LRP1: variants seen among roughly 807,000 people sequenced by gnomAD.
LRP1 encodes the protein prolow-density lipoprotein receptor-related protein 1.
LRP1 carries 51 observed loss-of-function variants against 541.5 expected under a neutral mutation model. The observed-to-expected ratio is 0.09, with a 90% confidence interval of 0.08 to 0.12. LRP1 has a LOEUF of 0.12. Among genes scored for constraint, LRP1 ranks in the 10% least tolerant of loss-of-function variants. The pLI is 1.00. For missense variants in LRP1, 3,878 were observed against 6,376.2 expected (o/e 0.61, Z 13.34); for synonymous variants, 2,219 against 2,470.8 (o/e 0.90, Z 3.02).
In LRP1 at chr12:57,181,176, C is replaced by T. The variant is rs1218354289; in HGVS notation, c.5547C>T (p.Pro1849=). The change falls in exon 34 of 89, where the codon CCC becomes CCT. Residue 1849 remains proline, a synonymous_variant. Transcript: ENST00000243077. ...CCCCAGACCATAAGGGCACCAACCC[C>T]TGCAGTGTCAACAACGGTGACTGCT... The part of the protein sequence containing the change: ...SIQLDHKGTN[P]CSVNNGDCSQ... 5 of 1,613,658 alleles carry T rather than the reference C, an allele frequency of 3.1e-6. No individual in the cohort carries two copies. The highest frequency in any genetic ancestry group is 4.2e-6 in the Non-Finnish European group (5 of 1,179,966).
chr12:57,128,895 C>G lies in LRP1; in HGVS notation c.-70C>G. 1 of 1,358,266 alleles carries G rather than the reference C, an allele frequency of 7.4e-7. No homozygotes were observed. Among genetic ancestry groups the G allele is most frequent in the Middle Eastern group, 1.9e-4 (1 of 5,218 alleles). The allele number at this position is 1,358,266 out of a possible 1,614,324, so 84.1% of individuals were successfully genotyped here. ...AAGGAGGAAAAGGGGGACCCCCCAA[C>G]TGGGGGGGGTGAAGGAGAGAAGTAG... On this transcript the variant is annotated 5_prime_UTR_variant, in exon 1 of 89. Coordinates refer to ENST00000243077, the MANE Select transcript of LRP1 (RefSeq NM_002332.3).
In LRP1 at chr12:57,211,504, T is replaced by C. The variant is rs765107247; in HGVS notation, c.13109T>C (p.Val4370Ala). 1.5e-5 allele frequency: 24 copies of C among 1,613,698 alleles called. No individual in the cohort carries two copies. The highest frequency in any genetic ancestry group is 1.9e-5 in the Non-Finnish European group (23 of 1,180,016). ...DVTCNCTDGR[V>A]APSCLTCVGH... ...TCCTGCAGCTGCACGGATGGCCGGG[T>C]GGCCCCCAGCTGTCTGACCTGCGTC... is the stretch of plus-strand genomic sequence containing the variant. The change falls in exon 85 of 89, where the codon GTG becomes GCG. Residue 4370 changes from valine to alanine, a missense_variant. By Grantham distance (64) the Val-to-Ala change is moderately conservative. This residue lies in a region of LRP1 where 871 missense variants were observed against 1,212.4 expected (regional missense o/e 0.72). Transcript: ENST00000243077. The surrounding 1 kb of genome is among the most constrained non-coding windows in gnomAD (Gnocchi z 4.3).
Position 57,210,693 on chromosome 12 carries a change from G to A in LRP1, c.12755-25G>A, listed in dbSNP as rs377503792. The A allele has an allele frequency of 9.5e-5, 152 of 1,595,884 alleles. 1 individual carries two copies. Among genetic ancestry groups the A allele is most frequent in the African/African-American group, 3.3e-4 (25 of 74,640 alleles). ...CCAGGTGGTCTCGAGGGCCACAGTC[G>A]CGCTCACACATCCTCTCCCACCAGG... On this transcript the variant is annotated intron_variant, in intron 82 of 88. Coordinates refer to ENST00000243077, the MANE Select transcript of LRP1 (RefSeq NM_002332.3).
In LRP1 at chr12:57,182,516, TAAA is replaced by T. The variant is rs530599434; in HGVS notation, c.5663-847_5663-845del. ...CGACAGATCAGGACTCCATCTCAAT[TAAA>T]AAAAAAAAAAAAAAAGAGCCAGGTG... is the stretch of plus-strand genomic sequence containing the variant. On this transcript the variant is annotated intron_variant, in intron 34 of 88. Coordinates refer to ENST00000243077, the MANE Select transcript of LRP1 (RefSeq NM_002332.3). Among the ~76,000 whole-genome samples the T allele has an allele frequency of 1.1e-4, 12 of 113,830 alleles. No homozygotes were observed. The East Asian group carries it at 1.2e-3, about 11-fold the overall frequency. The allele number at this position is 113,830 out of a possible 152,430, so 74.7% of individuals were successfully genotyped here. A position where few individuals can be genotyped will look rare whatever the true frequency, so the allele number is the denominator to read the frequency against.
In LRP1 at chr12:57,189,292, T is replaced by G. The variant is rs915637717; in HGVS notation, c.7032-1513T>G. Among the ~76,000 whole-genome samples, 2 of 151,936 alleles carry G rather than the reference T, an allele frequency of 1.3e-5. No individual in the cohort carries two copies. Among genetic ancestry groups the G allele is most frequent in the Admixed American group, 6.6e-5 (1 of 15,256 alleles). ...AGTAGTTTCACCTGAGGTGTAGGAG[T>G]TCCTGGTGGGGACTGACAGGCCAAG... is the stretch of plus-strand genomic sequence containing the variant. On this transcript the variant is annotated intron_variant, in intron 42 of 88. Transcript: ENST00000243077. This position sits in a 1 kb window ranked among gnomAD's most constrained non-coding sequence, Gnocchi z 4.4.
intron 3 of LRP1, among the ~76,000 whole-genome samples, chr12:57,142,149 C>G (rs975856513): frequency 6.6e-6 from 1 of 152,022 alleles, no homozygotes; most frequent in Non-Finnish European, 1.5e-5. Context: ...AGTCTTTCCC[C>G]CAAAGGGCCC....
rs1193832628 is a variant in LRP1, at chr12:57,185,507, C to T, written c.6464-24C>T. The T allele has an allele frequency of 6.4e-7, 1 of 1,564,512 alleles. No individual in the cohort carries two copies. The highest frequency in any genetic ancestry group is 8.7e-7 in the Non-Finnish European group (1 of 1,154,414). Reference sequence around the variant, plus strand: ...GAGCCTTTCCCAAGGCAGGCCCTGCCCTCTGTACCCTCCCCTCCCCCAGGC... The same window carrying T: ...GAGCCTTTCCCAAGGCAGGCCCTGCTCTCTGTACCCTCCCCTCCCCCAGGC... On this transcript the variant is annotated intron_variant, in intron 40 of 88. Coordinates refer to ENST00000243077, the MANE Select transcript of LRP1 (RefSeq NM_002332.3). This position sits in a 1 kb window ranked among gnomAD's most constrained non-coding sequence, Gnocchi z 4.9.
Position 57,209,217 on chromosome 12 carries a change from G to T in LRP1, c.12262+18G>T. Reference sequence around the variant, plus strand: ...CAAACGAGGTCAGAGCCCGGCATAAGTCGCAGTCCCCAGCCCTGTCCCCAG... The same window carrying T: ...CAAACGAGGTCAGAGCCCGGCATAATTCGCAGTCCCCAGCCCTGTCCCCAG... On this transcript the variant is annotated intron_variant, in intron 79 of 88. Coordinates refer to ENST00000243077, the MANE Select transcript of LRP1 (RefSeq NM_002332.3). 1 of 1,598,990 alleles carries T rather than the reference G, an allele frequency of 6.3e-7. No homozygotes were observed. The highest frequency in any genetic ancestry group is 8.6e-7 in the Non-Finnish European group (1 of 1,166,814).
chr12:57,140,729 C>CT (rs1237339569), intron 2 of LRP1, among the ~76,000 whole-genome samples: 64 of 151,320 alleles, frequency 4.2e-4, no homozygotes, highest in South Asian at 1.7e-3. Flanking sequence ...TCATCAAAAC[C>CT]TTTTTTTTTG....
chr12:57,188,932 C>T (rs991160560), intron 42 of LRP1, among the ~76,000 whole-genome samples: 1 of 152,074 alleles, frequency 6.6e-6, no homozygotes, highest in Non-Finnish European at 1.5e-5. Context: ...CAGGAGGGGC[C>T]CTCCCCCTGG....
chr12:57,187,021 C>T (rs2036282953), intron 41 of LRP1, among the ~76,000 whole-genome samples: 1 of 152,198 alleles, frequency 6.6e-6, no homozygotes, highest in South Asian at 2.1e-4. Flanking sequence ...CCAGAAAGCC[C>T]GATTGCCCTC....
At chr12:57,193,796 AC>A in intron 47 of LRP1, 102 bp from the exon 48 acceptor site, 2 of 1,601,094 alleles carry the variant, frequency 1.2e-6, no homozygotes, top group Non-Finnish European at 1.7e-6. Context: ...GCACTCTGTG[AC>A]AGGCCAGGGC....
rs185435405 is a variant in LRP1 at position 57,184,614 on chromosome 12, T to C, written c.6186+162T>C. 9.9e-5 allele frequency among the ~76,000 whole-genome samples: 15 copies of C among 151,586 alleles called. No individual in the cohort carries two copies. Among genetic ancestry groups the C allele is most frequent in the Non-Finnish European group, 1.8e-4 (12 of 67,838 alleles). ...AGTAGGACTCCTGCTACCACAGAGA[T>C]GATGGGCAGGGGTCGCTCAGAAGTG... On this transcript the variant is annotated intron_variant, in intron 38 of 88. Coordinates refer to ENST00000243077, the MANE Select transcript of LRP1 (RefSeq NM_002332.3). The surrounding 1 kb of genome is among the most constrained non-coding windows in gnomAD (Gnocchi z 7.8).
intron 20 of LRP1, among the ~76,000 whole-genome samples, chr12:57,171,125 T>G (rs1044762933): frequency 1.3e-5 from 2 of 152,092 alleles, no homozygotes; most frequent in African/African-American, 2.4e-5. Flanking sequence ...CTGTGTGGTG[T>G]GGTGAGAAGA....
chr12:57,149,887 C>A, intron 6 of LRP1: 1 of 641,896 alleles, frequency 1.6e-6, no homozygotes, highest in East Asian at 2.7e-5. Context: ...TCTCCCAGGC[C>A]CAGGCGAGAT....
chr12:57,179,668 C>A lies in LRP1; in HGVS notation c.4966+112C>A. 1 of 1,395,858 alleles carries A rather than the reference C, an allele frequency of 7.2e-7. No individual in the cohort carries two copies. Among genetic ancestry groups the A allele is most frequent in the Non-Finnish European group, 1.0e-6 (1 of 998,124 alleles). The allele number at this position is 1,395,858 out of a possible 1,614,324, so 86.5% of individuals were successfully genotyped here. A position where few individuals can be genotyped will look rare whatever the true frequency, so the allele number is the denominator to read the frequency against. On this transcript the variant is annotated intron_variant, in intron 29 of 88. Transcript: ENST00000243077. The surrounding 1 kb of genome is among the most constrained non-coding windows in gnomAD (Gnocchi z 6.8). ...GGTCCTTCTCCCAGTCCTGTTCCCC[C>A]TCAGTGCTCCAGCCTGGTTTCCTGA...
intron 55 of LRP1, 113 bp from the exon 56 acceptor site, chr12:57,196,866 ATGC>A: frequency 1.1e-6 from 1 of 876,454 alleles, no homozygotes; most frequent in Non-Finnish European, 1.8e-6. Context: ...CAGTACCCAT[ATGC>A]TGCTGCCCCT....
In LRP1 at chr12:57,184,314, C is replaced by CCCA; in HGVS notation, c.6060-9_6060-7dup. On this transcript the variant is annotated splice_polypyrimidine_tract_variant and intron_variant, in intron 37 of 88. Transcript: ENST00000243077. The surrounding 1 kb of genome is among the most constrained non-coding windows in gnomAD (Gnocchi z 7.8). Reference sequence around the variant, plus strand: ...CTGAGGACTGACCCCCACTTCCACCCCCACCCTACAGGTACTTGTTCTGGA... The same window carrying CCCA: ...CTGAGGACTGACCCCCACTTCCACCCCCACCACCCTACAGGTACTTGTTCTGGA... The CCCA allele has an allele frequency of 6.2e-7, 1 of 1,614,200 alleles. No homozygotes were observed. Among genetic ancestry groups the CCCA allele is most frequent in the Non-Finnish European group, 8.5e-7 (1 of 1,180,034 alleles).
In LRP1 at chr12:57,178,822, G is replaced by T. The variant is rs1434752098; in HGVS notation, c.4607-68G>T. On this transcript the variant is annotated intron_variant, in intron 27 of 88. Transcript: ENST00000243077. The surrounding 1 kb of genome is among the most constrained non-coding windows in gnomAD (Gnocchi z 5.8). Reference sequence around the variant, plus strand: ...GGGGAGGAGAGTGGGCGAGGAAGGGGTGGTCCATGTAGGGAGCAGCAAGTC... The same window carrying T: ...GGGGAGGAGAGTGGGCGAGGAAGGGTTGGTCCATGTAGGGAGCAGCAAGTC... The T allele has an allele frequency of 6.4e-7, 1 of 1,558,372 alleles. No homozygotes were observed. Among genetic ancestry groups the T allele is most frequent in the East Asian group, 2.2e-5 (1 of 44,600 alleles).
Sources: gnomAD v4.1 joint callset for allele counts (sites outside exome capture counted in the v4.1 genomes callset) on GRCh38, gnomAD v4.1.1 for gene constraint, gnomAD v4.1.1 regional missense constraint, Gnocchi (gnomAD v3.1) non-coding constraint, MANE v1.5 for transcripts, NCBI Gene and HGNC (gene_info 2026-07-23, HGNC 2026-07-21) for gene names.